Variants in PTPRT observed in about 807,000 individuals in gnomAD.
The protein encoded by PTPRT is protein tyrosine phosphatase receptor type T, also known as receptor-type tyrosine-protein phosphatase T.
A neutral mutation model predicts 176.8 loss-of-function variants in PTPRT; 56 were observed. The observed-to-expected ratio is 0.32, with a 90% CI of 0.26 to 0.40. The LOEUF is 0.40. PTPRT is among the 10% of genes least tolerant of loss of function. The probability of loss-of-function intolerance (pLI) is 1.00; values close to 1 mark genes in which losing one functional copy is unlikely to be tolerated. For missense variants in PTPRT, 1,540 were observed against 1,908.2 expected (o/e 0.81, Z 3.60); for synonymous variants, 783 against 739.0 (o/e 1.06, Z -0.96).
At chr20:42,731,955 G>A (rs531351943) in intron 6 of PTPRT, among the ~76,000 whole-genome samples, 2 of 152,282 alleles carry the variant, frequency 1.3e-5, no homozygotes, top group African/African-American at 4.8e-5. Flanking sequence ...CCTCCAAGAA[G>A]CTTCTCTTGT....
intron 1 of PTPRT, among the ~76,000 whole-genome samples, chr20:43,140,666 C>T (rs1309605633): frequency 1.3e-5 from 2 of 152,072 alleles, no homozygotes; most frequent in Non-Finnish European, 2.9e-5. Flanking sequence ...GTCTGTTGTT[C>T]CTCAATTTCA....
At chr20:42,877,566 C>T (rs931336820) in intron 2 of PTPRT, among the ~76,000 whole-genome samples, 1 of 152,196 alleles carries the variant, frequency 6.6e-6, no homozygotes, top group Non-Finnish European at 1.5e-5. Context: ...GCTCAAGATA[C>T]ATGCTGGGGT....
At chr20:42,992,903 G>T (rs1003895191) in intron 1 of PTPRT, among the ~76,000 whole-genome samples, 1 of 152,116 alleles carries the variant, frequency 6.6e-6, no homozygotes, top group Non-Finnish European at 1.5e-5. Flanking sequence ...CTTCCTCCAA[G>T]TATGGCCACC....
At chr20:42,254,222 T>C (rs1248348912) in intron 13 of PTPRT, among the ~76,000 whole-genome samples, 1 of 152,168 alleles carries the variant, frequency 6.6e-6, no homozygotes, top group Non-Finnish European at 1.5e-5. Context: ...GTGAGTCCTG[T>C]CCAGCTGTGA....
At chr20:43,090,179 G>A (rs1287678056) in intron 1 of PTPRT, among the ~76,000 whole-genome samples, 1 of 151,962 alleles carries the variant, frequency 6.6e-6, no homozygotes, top group Non-Finnish European at 1.5e-5. Context: ...AGAGAATCCA[G>A]ACACAAACAA....
At chr20:42,195,456 T>C (rs1333639858) in intron 16 of PTPRT, among the ~76,000 whole-genome samples, 1 of 152,134 alleles carries the variant, frequency 6.6e-6, no homozygotes, top group Admixed American at 6.5e-5. Context: ...ATTTCTCATC[T>C]CCAGTGTAAG....
chr20:42,302,131 G>C (rs1163434061), intron 12 of PTPRT, among the ~76,000 whole-genome samples: 1 of 152,078 alleles, frequency 6.6e-6, no homozygotes, highest in Non-Finnish European at 1.5e-5. Context: ...AATACCCTCT[G>C]TACAACTCTC....
intron 1 of PTPRT, among the ~76,000 whole-genome samples, chr20:42,924,473 A>T (rs1217978372): frequency 1.3e-5 from 2 of 152,198 alleles, no homozygotes; most frequent in African/African-American, 4.8e-5. Flanking sequence ...CTGATGTCCA[A>T]CAGTACTCCT....
chr20:43,076,779 T>C (rs1163674630), intron 1 of PTPRT, among the ~76,000 whole-genome samples: 1 of 152,192 alleles, frequency 6.6e-6, no homozygotes, highest in East Asian at 1.9e-4. Context: ...TCTCTTTCCC[T>C]TACCTCCTAC....
At chr20:42,040,505 G>T in the PTPRT span, among the ~76,000 whole-genome samples, 1 of 151,946 alleles carries the variant, frequency 6.6e-6, no homozygotes, top group South Asian at 2.1e-4. Context: ...CTTCTCTAAA[G>T]GTGCTCCTAG....
chr20:42,085,681 G>C, intron 28 of PTPRT, 47 bp downstream of exon 28: 1 of 1,610,584 alleles, frequency 6.2e-7, no homozygotes, highest in Non-Finnish European at 8.5e-7. Flanking sequence ...GCCTCCATCT[G>C]TCTTGGGGAG....
intron 9 of PTPRT, among the ~76,000 whole-genome samples, chr20:42,377,207 G>A (rs150645104): frequency 5.3e-5 from 8 of 152,296 alleles, no homozygotes; most frequent in African/African-American, 1.9e-4. Flanking sequence ...GGCACTGGGT[G>A]GAGTTGCCCA....
intron 7 of PTPRT, among the ~76,000 whole-genome samples, chr20:42,574,871 G>A (rs1279280771): frequency 6.6e-6 from 1 of 151,990 alleles, no homozygotes; most frequent in East Asian, 1.9e-4. Context: ...TAAGTGTTTG[G>A]CAGCTCCTCG....
At chr20:43,153,374 AT>A (rs1404053732) in intron 1 of PTPRT, among the ~76,000 whole-genome samples, 1 of 152,208 alleles carries the variant, frequency 6.6e-6, no homozygotes, top group African/African-American at 2.4e-5. Context: ...GGAGGTAGAA[AT>A]TTTTACTTAT....
chr20:42,099,111 G>A (rs1012585036), intron 26 of PTPRT, among the ~76,000 whole-genome samples: 4 of 152,218 alleles, frequency 2.6e-5, no homozygotes, highest in African/African-American at 7.2e-5. Flanking sequence ...TAGACCTGGG[G>A]TTCAAGTACA....
chr20:42,642,123 T>C (rs551780706), intron 7 of PTPRT, among the ~76,000 whole-genome samples: 208 of 152,240 alleles, frequency 1.4e-3, no homozygotes, highest in Non-Finnish European at 2.4e-3. Context: ...GGGAGACAAG[T>C]GAGTGCCAAA....
chr20:42,454,586 C>G (rs2070888604), intron 8 of PTPRT, among the ~76,000 whole-genome samples: 1 of 152,158 alleles, frequency 6.6e-6, no homozygotes, highest in Non-Finnish European at 1.5e-5. Flanking sequence ...TACCTATTTA[C>G]TAGCATCTTT....
chr20:42,735,662 A>G (rs1351075153), intron 6 of PTPRT, among the ~76,000 whole-genome samples: 4 of 152,190 alleles, frequency 2.6e-5, no homozygotes, highest in Non-Finnish European at 4.4e-5. Flanking sequence ...GAAAAGAGCA[A>G]TTAGAACAGA....
At chr20:42,632,474 C>A (rs146136034) in intron 7 of PTPRT, among the ~76,000 whole-genome samples, 2 of 151,972 alleles carry the variant, frequency 1.3e-5, no homozygotes, top group African/African-American at 2.4e-5. Flanking sequence ...CCACTCACCT[C>A]GACCTCCCAA....
Sources: gnomAD v4.1 joint callset for allele counts (sites outside exome capture counted in the v4.1 genomes callset) on GRCh38, gnomAD v4.1.1 for gene constraint, MANE v1.5 for transcripts, NCBI Gene and HGNC (gene_info 2026-07-23, HGNC 2026-07-21) for gene names.